CMTM1: variants seen among roughly 807,000 people sequenced by gnomAD.
The protein encoded by CMTM1 is CKLF-like MARVEL transmembrane domain-containing protein 1.
Under a neutral mutation model 17.8 loss-of-function variants are expected in CMTM1, and 16 were observed. The observed-to-expected ratio is 0.90, with a 90% CI of 0.61 to 1.37. The LOEUF (loss-of-function observed/expected upper bound fraction) is 1.37, where lower values mean the gene tolerates loss of function less well. Among genes scored for constraint, CMTM1 ranks in the 40% most tolerant of loss-of-function variants. The pLI, the probability that CMTM1 is intolerant of heterozygous loss-of-function variation, is 0.00. For synonymous variants in CMTM1, 169 were observed against 154.6 expected, an observed-to-expected ratio of 1.09 and a Z score of -0.69; for missense variants, 354 against 375.6, an observed-to-expected ratio of 0.94 and a Z score of 0.47.
Position 66,566,546 on chromosome 16 carries a change from C to T in CMTM1, c.33C>T (p.Ser11=). 1 of 1,612,914 alleles carries T rather than the reference C, an allele frequency of 6.2e-7. No individual in the cohort carries two copies. Among genetic ancestry groups the T allele is most frequent in the Non-Finnish European group, 8.5e-7 (1 of 1,179,534 alleles). MDPEHAKPES[S]EAPSGNLKQP... ...CTGAACACGCCAAACCTGAGTCATC[C>T]GAGGCACCTTCAGGGAACTTGAAAC... Residue 11 remains serine, a synonymous_variant, in exon 1 of 4, where the codon TCC becomes TCT. Coordinates refer to ENST00000379500, the MANE Select transcript of CMTM1 (RefSeq NM_052999.4). The surrounding 1 kb of genome is among the most constrained non-coding windows in gnomAD (Gnocchi z 4.9).
At chr16:66,576,240 A>G (rs1472632430) in intron 2 of CMTM1, among the ~76,000 whole-genome samples, 1 of 152,174 alleles carries the variant, frequency 6.6e-6, no homozygotes, top group East Asian at 1.9e-4. Context: ...CTACTAAAAA[A>G]TACAAAAATT....
At chr16:66,576,949 G>A (rs962201927) in intron 2 of CMTM1, among the ~76,000 whole-genome samples, 155 bp from the exon 3 acceptor site, 1 of 152,198 alleles carries the variant, frequency 6.6e-6, no homozygotes, top group Non-Finnish European at 1.5e-5. Flanking sequence ...GTCTCTGGAC[G>A]ATGTAAGAAT....
At chr16:66,572,275 G>A (rs1194310138) in intron 2 of CMTM1, among the ~76,000 whole-genome samples, 1 of 152,190 alleles carries the variant, frequency 6.6e-6, no homozygotes, top group Non-Finnish European at 1.5e-5. Flanking sequence ...TTGGTCAGAT[G>A]GTAAGTGATT....
At chr16:66,575,244 C>G in intron 2 of CMTM1, 2 of 983,344 alleles carry the variant, frequency 2.0e-6, no homozygotes, top group Non-Finnish European at 2.4e-6. Flanking sequence ...AGATATGAAC[C>G]TACATTTTGA....
rs1354601816 is a variant in CMTM1, at chr16:66,578,836, G to A, written c.696G>A (p.Leu232=). 1 of 1,614,094 alleles carries A rather than the reference G, an allele frequency of 6.2e-7. No homozygotes were observed. The highest frequency in any genetic ancestry group is 2.2e-5 in the East Asian group (1 of 44,862). Residue 232 remains leucine, a synonymous_variant, in exon 4 of 4, where the codon CTG becomes CTA. Coordinates refer to ENST00000379500, the MANE Select transcript of CMTM1 (RefSeq NM_052999.4). ...TATGGTCTTGTATCTGACAGTCCCT[G>A]TGTCTCACAGCGGTAATCGTGTGTT... The part of the protein sequence containing the change: ...RRHLLYVGGS[L]CLTAVIVCCI...
At position 66,566,549 on chromosome 16, in the gene CMTM1, G is replaced by A. The variant is rs2012368587; in HGVS notation, c.36G>A (p.Glu12=). 1 of 1,613,360 alleles carries A rather than the reference G, an allele frequency of 6.2e-7. No homozygotes were observed. The highest frequency in any genetic ancestry group is 8.5e-7 in the Non-Finnish European group (1 of 1,179,796). Residue 12 remains glutamate (E), a synonymous_variant, in exon 1 of 4, where the codon GAG becomes GAA. Transcript: ENST00000379500. This position sits in a 1 kb window ranked among gnomAD's most constrained non-coding sequence, Gnocchi z 4.9. The part of the protein sequence containing the change: ...DPEHAKPESS[E]APSGNLKQPE... Reference sequence around the variant, plus strand: ...AACACGCCAAACCTGAGTCATCCGAGGCACCTTCAGGGAACTTGAAACAAC... The same window carrying A: ...AACACGCCAAACCTGAGTCATCCGAAGCACCTTCAGGGAACTTGAAACAAC...
Position 66,570,034 on chromosome 16 carries a change from T to A in CMTM1, c.531T>A (p.Phe177Leu), listed in dbSNP as rs748044817. The stretch of plus-strand genomic sequence containing the variant: ...TGGAAATCTGCATTGTCGTTTTTTT[T>A]ATTCTAATATATGTGCTAACCCTTC... ...TSLEICIVVF[F>L]ILIYVLTLHH... The change falls in exon 2 of 4, where the codon TTT becomes TTA. Residue 177 changes from phenylalanine to leucine, a missense_variant. Coordinates refer to ENST00000379500, the MANE Select transcript of CMTM1 (RefSeq NM_052999.4). The A allele has an allele frequency of 1.2e-6, 2 of 1,613,080 alleles. No individual in the cohort carries two copies. Among genetic ancestry groups the A allele is most frequent in the Non-Finnish European group, 8.5e-7 (1 of 1,179,386 alleles).
Position 66,578,719 on chromosome 16 carries a change from A to T in CMTM1, c.691-112A>T, listed in dbSNP as rs2014572046. On this transcript the variant is annotated intron_variant, in intron 3 of 3. Transcript: ENST00000379500. ...AGAAAGTAGTGAAGGGTCAGAGGGG[A>T]CAGGAGGCCACCCGCAGCGCCCACC... 6 of 1,421,028 alleles carry T rather than the reference A, an allele frequency of 4.2e-6. No homozygotes were observed. The African/African-American group carries it at 4.3e-5, about 10-fold the overall frequency. The allele number at this position is 1,421,028 out of a possible 1,614,324, so 88.0% of individuals were successfully genotyped here. A position where few individuals can be genotyped will look rare whatever the true frequency, so the allele number is the denominator to read the frequency against.
chr16:66,578,839 T>C lies in CMTM1; in HGVS notation c.699T>C (p.Cys233=). 2 of 1,614,142 alleles carry C rather than the reference T, an allele frequency of 1.2e-6. No homozygotes were observed. Among genetic ancestry groups the C allele is most frequent in the Non-Finnish European group, 1.7e-6 (2 of 1,180,006 alleles). ...GGTCTTGTATCTGACAGTCCCTGTG[T>C]CTCACAGCGGTAATCGTGTGTTGCA... is the stretch of plus-strand genomic sequence containing the variant. ...RHLLYVGGSL[C]LTAVIVCCID... The change falls in exon 4 of 4, where the codon TGT becomes TGC. Residue 233 remains cysteine (C), a synonymous_variant. Coordinates refer to ENST00000379500, the MANE Select transcript of CMTM1 (RefSeq NM_052999.4).
At chr16:66,570,671 C>T (rs772983315) in intron 2 of CMTM1, among the ~76,000 whole-genome samples, 4 of 152,178 alleles carry the variant, frequency 2.6e-5, no homozygotes, top group Non-Finnish European at 5.9e-5. Flanking sequence ...TAAAGCTAAC[C>T]CCTCAGGTCT....
chr16:66,566,716 G>A lies in CMTM1; in HGVS notation c.203G>A (p.Arg68His), dbSNP rs1306010472. 6.2e-7 allele frequency: 1 copy of A among 1,613,826 alleles called. No homozygotes were observed. Among genetic ancestry groups the A allele is most frequent in the African/African-American group, 1.3e-5 (1 of 74,876 alleles). Residue 68 changes from arginine to histidine, a missense_variant, in exon 1 of 4, where the codon CGT (arginine) becomes CAT (histidine). Coordinates refer to ENST00000379500, the MANE Select transcript of CMTM1 (RefSeq NM_052999.4). The surrounding 1 kb of genome is among the most constrained non-coding windows in gnomAD (Gnocchi z 4.9). ...AGTGCGCAGTCCGCAGCCGCCGCAC[G>A]TCCCCAAGGCAGTGAGGGCACCGCA... ...IRSAQSAAAA[R>H]PQGSEGTAPS...
At chr16:66,572,835 G>A (rs1318830498) in intron 2 of CMTM1, among the ~76,000 whole-genome samples, 4 of 152,136 alleles carry the variant, frequency 2.6e-5, no homozygotes, top group Non-Finnish European at 5.9e-5. Context: ...TCCCTATTCC[G>A]ATTATTGTTT....
rs570779300 is a variant in CMTM1, at chr16:66,571,040, T to G, written c.591+946T>G. On this transcript the variant is annotated intron_variant, in intron 2 of 3. Coordinates refer to ENST00000379500, the MANE Select transcript of CMTM1 (RefSeq NM_052999.4). ...TCCTTATAGAACATTTTTCTAACCT[T>G]AAAGTCAGAATGTTCCTTTTGAGCT... The G allele has an allele frequency of 1.6e-5, 7 of 424,602 alleles. No homozygotes were observed. The East Asian group carries it at 4.9e-4, about 30-fold the overall frequency. The allele number at this position is 424,602 out of a possible 1,614,324, so 26.3% of individuals were successfully genotyped here.
chr16:66,566,763 C>G lies in CMTM1; in HGVS notation c.250C>G (p.Arg84Gly), dbSNP rs369937977. Reference protein sequence around the residue: ...GTAPSRKATTRPPPKPTLPPP... With the variant: ...GTAPSRKATTGPPPKPTLPPP... ...CGCACCCTCAAGGAAAGCCACCACA[C>G]GCCCACCCCCAAAGCCCACACTCCC... The change falls in exon 1 of 4, where the codon CGC becomes GGC. Residue 84 changes from arginine (R) to glycine (G), a missense_variant. Physicochemically the swap from Arg to Gly is moderately radical, Grantham distance 125 (BLOSUM62 -2). Transcript: ENST00000379500. The surrounding 1 kb of genome is among the most constrained non-coding windows in gnomAD (Gnocchi z 4.9). The G allele has an allele frequency of 6.2e-7, 1 of 1,613,594 alleles. No homozygotes were observed.
chr16:66,570,173 C>A, intron 2 of CMTM1, 79 bp downstream of exon 2: 2 of 1,132,346 alleles, frequency 1.8e-6, no homozygotes, highest in Non-Finnish European at 2.5e-6. Flanking sequence ...TAAGTGAAAA[C>A]AACGGAGCTA....
chr16:66,566,598 A>C lies in CMTM1; in HGVS notation c.85A>C (p.Ser29Arg). 1 of 1,614,076 alleles carries C rather than the reference A, an allele frequency of 6.2e-7. No homozygotes were observed. The highest frequency in any genetic ancestry group is 8.5e-7 in the Non-Finnish European group (1 of 1,179,974). The part of the protein sequence containing the change: ...KQPETAAALA[S>R]SGSVVSSVPK... ...ACCGGAGACTGCCGCAGCCCTGGCA[A>C]GTAGCGGCAGCGTAGTGAGTTCTGT... Residue 29 changes from serine (S) to arginine (R), a missense_variant, in exon 1 of 4, where the codon AGT becomes CGT. Transcript: ENST00000379500. This position sits in a 1 kb window ranked among gnomAD's most constrained non-coding sequence, Gnocchi z 4.9.
In CMTM1 at chr16:66,569,936, A is replaced by G; in HGVS notation, c.433A>G (p.Ser145Gly). 2 of 1,575,604 alleles carry G rather than the reference A, an allele frequency of 1.3e-6. No homozygotes were observed. Among genetic ancestry groups the G allele is most frequent in the Non-Finnish European group, 1.7e-6 (2 of 1,167,242 alleles). Reference sequence around the variant, plus strand: ...ACAAATCCTGTTTCTTTTATTGCAGAGTCTTATCTTAGGAGCATTAGCTTG... The same window carrying G: ...ACAAATCCTGTTTCTTTTATTGCAGGGTCTTATCTTAGGAGCATTAGCTTG... ...PTGMLKILRL[S>G]LILGALACFI... Residue 145 changes from serine (S) to glycine (G), a missense_variant and splice_region_variant, in exon 2 of 4, where the codon AGT (serine) becomes GGT (glycine). Coordinates refer to ENST00000379500, the MANE Select transcript of CMTM1 (RefSeq NM_052999.4).
At chr16:66,577,731 T>C (rs879551808) in intron 3 of CMTM1, among the ~76,000 whole-genome samples, 14 of 152,168 alleles carry the variant, frequency 9.2e-5, no homozygotes, top group Admixed American at 5.2e-4. Flanking sequence ...TTTGTACAGA[T>C]ATAGGAACTG....
At position 66,577,139 on chromosome 16, in the gene CMTM1, T is replaced by C. The variant is rs1200057211; in HGVS notation, c.627T>C (p.Leu209=). The change falls in exon 3 of 4, where the codon CTT becomes CTC. Residue 209 remains leucine, a synonymous_variant. Coordinates refer to ENST00000379500, the MANE Select transcript of CMTM1 (RefSeq NM_052999.4). Reference sequence around the variant, plus strand: ...ACAGTATCATTACAGCTGTGTTCCTTTCAGTAGTTGCCATCTTGGCCATGC... The same window carrying C: ...ACAGTATCATTACAGCTGTGTTCCTCTCAGTAGTTGCCATCTTGGCCATGC... The part of the protein sequence containing the change: ...LTNSIITAVF[L]SVVAILAMQE... The C allele has an allele frequency of 6.2e-7, 1 of 1,614,128 alleles. No individual in the cohort carries two copies. The highest frequency in any genetic ancestry group is 2.2e-5 in the East Asian group (1 of 44,876).
Sources: gnomAD v4.1 joint callset for allele counts (sites outside exome capture counted in the v4.1 genomes callset) on GRCh38, gnomAD v4.1.1 for gene constraint, Gnocchi (gnomAD v3.1) non-coding constraint, MANE v1.5 for transcripts, NCBI Gene and HGNC (gene_info 2026-07-23, HGNC 2026-07-21) for gene names.